The following NPLOC4 variants were observed in gnomAD, a reference collection of about 807,000 sequenced individuals.
NPLOC4 encodes NPL4 homolog, ubiquitin recognition factor, also known as nuclear protein localization protein 4 homolog.
NPLOC4 carries 18 observed loss-of-function variants against 80.6 expected under a neutral mutation model. The observed-to-expected ratio is 0.22, with a 90% CI of 0.15 to 0.33. NPLOC4 has a LOEUF of 0.33. NPLOC4 is among the 10% of genes least tolerant of loss of function. The pLI is 1.00. For missense variants in NPLOC4, 540 were observed against 786.1 expected (o/e 0.69, Z 3.74); for synonymous variants, 313 against 301.5 (o/e 1.04, Z -0.39).
intron 11 of NPLOC4, among the ~76,000 whole-genome samples, chr17:81,592,903 G>A (rs867005834): frequency 2.1e-4 from 32 of 152,180 alleles, no homozygotes; most frequent in African/African-American, 7.5e-4. Flanking sequence ...AGAATCATTT[G>A]AACCCGGAGG....
At position 81,572,725 on chromosome 17, in the gene NPLOC4, A is replaced by C. The variant is rs897606193; in HGVS notation, c.1282-637T>G. On this transcript the variant is annotated intron_variant, in intron 12 of 16. Coordinates refer to ENST00000331134, the MANE Select transcript of NPLOC4 (RefSeq NM_017921.4). The surrounding 1 kb of genome is among the most constrained non-coding windows in gnomAD (Gnocchi z 4.5). Reference sequence around the variant, plus strand: ...CACTCAGGCGCGATCTGCGACAGGCAGAAGGGTCTGCGTTCCCCTCAGGTT... The same window carrying C: ...CACTCAGGCGCGATCTGCGACAGGCCGAAGGGTCTGCGTTCCCCTCAGGTT... 6.6e-6 allele frequency among the ~76,000 whole-genome samples: 1 copy of C among 152,370 alleles called. No individual in the cohort carries two copies. Among genetic ancestry groups the C allele is most frequent in the South Asian group, 2.1e-4 (1 of 4,832 alleles).
rs1555680405 is a variant in NPLOC4, at chr17:81,581,375, A to AAAAAAAGTC, written c.1281+7568_1281+7569insGACTTTTTT. 4.2e-3 allele frequency among the ~76,000 whole-genome samples: 304 copies of AAAAAAAGTC among 72,848 alleles called. 92 individuals are homozygous for AAAAAAAGTC. Among genetic ancestry groups the AAAAAAAGTC allele is most frequent in the Middle Eastern group, 8.2e-3 (1 of 122 alleles). 47.8% of individuals were successfully genotyped at this position (72,848 alleles called of 152,430 possible). The stretch of plus-strand genomic sequence containing the variant: ...AAAAAAAAAAAAAAAAAAAAAAAAA[A>AAAAAAAGTC]AGTTAATAAAATCACCATGTCACAA... On this transcript the variant is annotated intron_variant, in intron 12 of 16. Transcript: ENST00000331134.
chr17:81,559,473 G>A, intron 16 of NPLOC4, 57 bp from the exon 17 acceptor site: 1 of 1,539,230 alleles, frequency 6.5e-7, no homozygotes. Flanking sequence ...GAGACTGCCA[G>A]AGTGTGGGCA....
chr17:81,572,907 C>T lies in NPLOC4; in HGVS notation c.1282-819G>A, dbSNP rs760174703. On this transcript the variant is annotated intron_variant, in intron 12 of 16. Transcript: ENST00000331134. The surrounding 1 kb of genome is among the most constrained non-coding windows in gnomAD (Gnocchi z 4.5). ...AGGCATGCACAAATGAGCGCACACA[C>T]AAATATGAAGACACGGGAACCCCAC... is the stretch of plus-strand genomic sequence containing the variant. 3.3e-5 allele frequency among the ~76,000 whole-genome samples: 5 copies of T among 152,188 alleles called. No individual in the cohort carries two copies. The highest frequency in any genetic ancestry group is 6.5e-5 in the Admixed American group (1 of 15,268).
intron 2 of NPLOC4, among the ~76,000 whole-genome samples, chr17:81,626,868 T>C (rs994753218): frequency 1.1e-4 from 17 of 151,980 alleles, no homozygotes; most frequent in Admixed American, 7.2e-4. Flanking sequence ...GGCGGGCGGA[T>C]CACCTGAGAT....
rs777377303 is a variant in NPLOC4, at chr17:81,622,159, CACTT to C, written c.209+3_209+6del. 1 of 1,596,748 alleles carries C rather than the reference CACTT, an allele frequency of 6.3e-7. No individual in the cohort carries two copies. The highest frequency in any genetic ancestry group is 8.6e-7 in the Non-Finnish European group (1 of 1,164,474). On this transcript the variant is annotated splice_donor_5th_base_variant and intron_variant, in intron 3 of 16. Transcript: ENST00000331134. ...CATTCCCTGCTTCCTCCTCAGAGGA[CACTT>C]ACTTGATTTTTAGCAAGTTGAGGGA...
At chr17:81,635,482 G>A (rs1231835490) in intron 1 of NPLOC4, among the ~76,000 whole-genome samples, 2 of 151,990 alleles carry the variant, frequency 1.3e-5, no homozygotes, top group Non-Finnish European at 2.9e-5. Flanking sequence ...AGAGATGATG[G>A]AACCACCAGA....
At chr17:81,614,381 T>G (rs1203363753) in intron 3 of NPLOC4, 2 of 151,578 alleles carry the variant, frequency 1.3e-5, no homozygotes, top group African/African-American at 4.9e-5. Context: ...CTAATTGCTA[T>G]GACAATGGCT....
At chr17:81,595,497 C>T (rs1379766775) in intron 11 of NPLOC4, among the ~76,000 whole-genome samples, 2 of 142,894 alleles carry the variant, frequency 1.4e-5, no homozygotes, top group Non-Finnish European at 3.0e-5. Flanking sequence ...CCCAGGGGAA[C>T]ATCCTTGTCC....
intron 12 of NPLOC4, among the ~76,000 whole-genome samples, chr17:81,579,365 G>A (rs1189200306): frequency 6.6e-6 from 1 of 152,184 alleles, no homozygotes; most frequent in Non-Finnish European, 1.5e-5. Context: ...GTGACAGAGC[G>A]AGACTCCATC....
chr17:81,587,312 TTTTTTTA>T (rs1373188167), intron 12 of NPLOC4, among the ~76,000 whole-genome samples: 2 of 151,846 alleles, frequency 1.3e-5, no homozygotes, highest in African/African-American at 2.4e-5. Flanking sequence ...TGTCTCTTTA[TTTTTTTA>T]TTTTTTATTT....
intron 12 of NPLOC4, among the ~76,000 whole-genome samples, chr17:81,581,874 C>T (rs908230982): frequency 2.0e-5 from 3 of 152,192 alleles, no homozygotes; most frequent in Non-Finnish European, 2.9e-5. Context: ...AAAGCAGAGG[C>T]GCAGGAATAA....
At chr17:81,623,497 C>T (rs1432076923) in intron 2 of NPLOC4, among the ~76,000 whole-genome samples, 6 of 133,910 alleles carry the variant, frequency 4.5e-5, no homozygotes, top group African/African-American at 1.4e-4. Flanking sequence ...AAAACTCTGT[C>T]TCAAAAAAAT....
chr17:81,585,501 A>G (rs2034555566), intron 12 of NPLOC4, among the ~76,000 whole-genome samples: 1 of 151,842 alleles, frequency 6.6e-6, no homozygotes, highest in South Asian at 2.1e-4. Context: ...ATCTCTACTA[A>G]AAATTTAAAA....
chr17:81,634,643 T>C (rs1598701421), intron 1 of NPLOC4, among the ~76,000 whole-genome samples: 1 of 151,426 alleles, frequency 6.6e-6, no homozygotes, highest in Non-Finnish European at 1.5e-5. Flanking sequence ...TGGAGTGCAG[T>C]GGCGCAATCT....
Position 81,602,965 on chromosome 17 carries a change from ATATAT to A in NPLOC4, c.834+1578_834+1582del, listed in dbSNP as rs2035101973. Among the ~76,000 whole-genome samples, 8 of 129,542 alleles carry A rather than the reference ATATAT, an allele frequency of 6.2e-5. No homozygotes were observed. The South Asian group carries it at 7.3e-4, about 12-fold the overall frequency. The allele number at this position is 129,542 out of a possible 152,430, so 85.0% of individuals were successfully genotyped here. Reference sequence around the variant, plus strand: ...TATACACACACATATATATACACACATATATATACACAAATACACACACACACACA... The same window carrying A: ...TATACACACACATATATATACACACAATACACAAATACACACACACACACA... On this transcript the variant is annotated intron_variant, in intron 8 of 16. Coordinates refer to ENST00000331134, the MANE Select transcript of NPLOC4 (RefSeq NM_017921.4).
rs560229703 is a variant in NPLOC4 at position 81,610,323 on chromosome 17, C to T, written c.387-65G>A. 15 of 1,417,566 alleles carry T rather than the reference C, an allele frequency of 1.1e-5. No individual in the cohort carries two copies. The South Asian group carries it at 1.5e-4, about 14-fold the overall frequency. The allele number at this position is 1,417,566 out of a possible 1,614,324, so 87.8% of individuals were successfully genotyped here. On this transcript the variant is annotated intron_variant, in intron 4 of 16. Coordinates refer to ENST00000331134, the MANE Select transcript of NPLOC4 (RefSeq NM_017921.4). ...GATGTCTGTGTTCCGCTGCTGCTGT[C>T]TCACATGCACGTCCTACTTTAACAG...
At chr17:81,587,781 GCCTCAGCCTCCCGAGTAGCTGGGACTA>G (rs1357046981) in intron 12 of NPLOC4, among the ~76,000 whole-genome samples, 1 of 144,122 alleles carries the variant, frequency 6.9e-6, no homozygotes, top group African/African-American at 2.6e-5. Flanking sequence ...CCATTCTCCT[GCCTCAGCCTCCCGAGTAGCTGGGACTA>G]CAGGTGCCTG....
intron 2 of NPLOC4, among the ~76,000 whole-genome samples, chr17:81,624,167 T>C (rs1161948169): frequency 6.6e-6 from 1 of 152,090 alleles, no homozygotes; most frequent in Non-Finnish European, 1.5e-5. Context: ...ACGCCTGTAA[T>C]CCCAGCACTC....
Sources: gnomAD v4.1 joint callset for allele counts (sites outside exome capture counted in the v4.1 genomes callset) on GRCh38, gnomAD v4.1.1 for gene constraint, Gnocchi (gnomAD v3.1) non-coding constraint, MANE v1.5 for transcripts, NCBI Gene and HGNC (gene_info 2026-07-23, HGNC 2026-07-21) for gene names.